Variants in IL6R observed in about 807,000 individuals in gnomAD.
IL6R encodes the protein interleukin 6 receptor.
IL6R carries 38 observed loss-of-function variants against 48.3 expected under a neutral mutation model. The ratio of observed to expected loss-of-function variants is 0.79; its 90% CI spans 0.61 to 1.03. IL6R has a LOEUF of 1.03. Among genes scored for constraint, IL6R ranks in the 50% least tolerant of loss-of-function variants. IL6R has a pLI of 0.00. For synonymous variants in IL6R, 264 were observed against 256.2 expected (o/e 1.03, Z -0.29); for missense variants, 534 against 618.3 (o/e 0.86, Z 1.45).
Position 154,468,951 on chromosome 1 carries a change from C to T in IL6R, c.*3571C>T, listed in dbSNP as rs1043699266. ...GCAAGAGCCCTGCACCCAGCTGTCC[C>T]GTGCAGCCGTGGGCAGGGGCTGCAC... On this transcript the variant is annotated 3_prime_UTR_variant, in exon 10 of 10. Coordinates refer to ENST00000368485, the MANE Select transcript of IL6R (RefSeq NM_000565.4). 3.3e-5 allele frequency: 5 copies of T among 152,208 alleles called. No individual in the cohort carries two copies. Among genetic ancestry groups the T allele is most frequent in the Admixed American group, 6.5e-5 (1 of 15,280 alleles). 9.4% of individuals were successfully genotyped at this position (152,208 alleles called of 1,614,324 possible). A position where few individuals can be genotyped will look rare whatever the true frequency, so the allele number is the denominator to read the frequency against.
Position 154,465,121 on chromosome 1 carries a change from T to C in IL6R, c.1161-13T>C, listed in dbSNP as rs1691484366. ...AAAATCTGTGTGGTTTGTCTTTGTG[T>C]GTTTGTGTGAAGGTTCAAGAAGACG... On this transcript the variant is annotated splice_polypyrimidine_tract_variant and intron_variant, in intron 9 of 9. Transcript: ENST00000368485. 1 of 1,614,096 alleles carries C rather than the reference T, an allele frequency of 6.2e-7. No individual in the cohort carries two copies. Among genetic ancestry groups the C allele is most frequent in the Non-Finnish European group, 8.5e-7 (1 of 1,179,988 alleles).
At chr1:154,455,569 C>T (rs1451349913) in intron 9 of IL6R, among the ~76,000 whole-genome samples, 1 of 150,278 alleles carries the variant, frequency 6.7e-6, no homozygotes, top group African/African-American at 2.4e-5. Flanking sequence ...TCTCCTGCCT[C>T]AGCCTCCTGA....
rs772479080 is a variant in IL6R at position 154,454,500 on chromosome 1, C to T, written c.1079C>T (p.Ser360Phe). Residue 360 changes from serine to phenylalanine, a missense_variant, in exon 9 of 10, where the codon TCT (serine) becomes TTT (phenylalanine). Coordinates refer to ENST00000368485, the MANE Select transcript of IL6R (RefSeq NM_000565.4). ...TTTTTTAACCTAGTGCAAGATTCTT[C>T]TTCAGTACCACTGCCCACATTCCTG... ...NATSLPVQDS[S>F]SVPLPTFLVA... 6.2e-7 allele frequency: 1 copy of T among 1,611,224 alleles called. No individual in the cohort carries two copies. The highest frequency in any genetic ancestry group is 1.7e-5 in the Admixed American group (1 of 59,950).
chr1:154,435,990 T>C lies in IL6R; in HGVS notation c.829T>C (p.Cys277Arg), dbSNP rs765927066. The C allele has an allele frequency of 6.2e-7, 1 of 1,609,832 alleles. No individual in the cohort carries two copies. The highest frequency in any genetic ancestry group is 8.5e-7 in the Non-Finnish European group (1 of 1,176,968). ...TWMVKDLQHH[C>R]VIHDAWSGLR... is the part of the protein sequence containing the mutation. Reference sequence around the variant, plus strand: ...TCAGGTCAAGGACCTCCAGCATCACTGTGTCATCCACGACGCCTGGAGCGG... The same window carrying C: ...TCAGGTCAAGGACCTCCAGCATCACCGTGTCATCCACGACGCCTGGAGCGG... The change falls in exon 6 of 10, where the codon TGT (cysteine) becomes CGT (arginine). Residue 277 changes from cysteine to arginine, a missense_variant. Coordinates refer to ENST00000368485, the MANE Select transcript of IL6R (RefSeq NM_000565.4).
intron 8 of IL6R, chr1:154,454,099 G>A: frequency 4.3e-6 from 1 of 234,038 alleles, no homozygotes; most frequent in South Asian, 6.4e-5. Context: ...GGTCCCCAAA[G>A]CCTTCCGTTT....
chr1:154,414,564 A>G, intron 1 of IL6R: 1 of 747,228 alleles, frequency 1.3e-6, no homozygotes. Flanking sequence ...TGGCCTCGGT[A>G]AAAGGGATTT....
chr1:154,430,374 C>T (rs576416827), intron 2 of IL6R, 109 bp from the exon 3 acceptor site: 24 of 1,411,264 alleles, frequency 1.7e-5, no homozygotes, highest in South Asian at 2.7e-5. Context: ...GGGCTGGGGC[C>T]GAGGGGCCCA....
Position 154,466,026 on chromosome 1 carries a change from A to G in IL6R, c.*646A>G, listed in dbSNP as rs143508443. On this transcript the variant is annotated 3_prime_UTR_variant, in exon 10 of 10. Coordinates refer to ENST00000368485, the MANE Select transcript of IL6R (RefSeq NM_000565.4). ...CTCAGGGCCTGGTCGTTTTCAACAG[A>G]ATTATAATTAGTTCCTCATTAGCAT... The G allele has an allele frequency of 6.5e-6, 1 of 153,052 alleles. No individual in the cohort carries two copies. Among genetic ancestry groups the G allele is most frequent in the African/African-American group, 2.4e-5 (1 of 41,536 alleles). 9.5% of individuals were successfully genotyped at this position (153,052 alleles called of 1,614,324 possible). A position where few individuals can be genotyped will look rare whatever the true frequency, so the allele number is the denominator to read the frequency against.
At chr1:154,414,547 G>GATCT (rs1688220970) in intron 1 of IL6R, 1 of 756,706 alleles carries the variant, frequency 1.3e-6, no homozygotes, top group Non-Finnish European at 2.3e-6. Context: ...TGAAGAAGAG[G>GATCT]ATCTGGTGGC....
At position 154,436,031 on chromosome 1, in the gene IL6R, G is replaced by A; in HGVS notation, c.870G>A (p.Val290=). ...HDAWSGLRHV[V]QLRAQEEFGQ... ...CCTGGAGCGGCCTGAGGCACGTGGTGCAGCTTCGTGCCCAGGAGGAGTTCG... is the reference window on the plus strand; with the variant it reads ...CCTGGAGCGGCCTGAGGCACGTGGTACAGCTTCGTGCCCAGGAGGAGTTCG... The change falls in exon 6 of 10, where the codon GTG becomes GTA. Residue 290 remains valine, a synonymous_variant. Transcript: ENST00000368485. 1 of 1,613,110 alleles carries A rather than the reference G, an allele frequency of 6.2e-7. No individual in the cohort carries two copies. Among genetic ancestry groups the A allele is most frequent in the South Asian group, 1.1e-5 (1 of 90,800 alleles).
Position 154,436,199 on chromosome 1 carries a change from T to C in IL6R, c.949+89T>C, listed in dbSNP as rs367617897. On this transcript the variant is annotated intron_variant, in intron 6 of 9. Transcript: ENST00000368485. Reference sequence around the variant, plus strand: ...GCTATGTGACAAGTTGCCTCAAAACTAGTGGCTTAGGCCAGGTGTGGTGGC... The same window carrying C: ...GCTATGTGACAAGTTGCCTCAAAACCAGTGGCTTAGGCCAGGTGTGGTGGC... 387 of 1,424,920 alleles carry C rather than the reference T, an allele frequency of 2.7e-4. 5 individuals carry two copies. In the East Asian group the frequency reaches 7.2e-3, roughly 26 times the overall value. The allele number at this position is 1,424,920 out of a possible 1,614,324, so 88.3% of individuals were successfully genotyped here.
At position 154,432,728 on chromosome 1, in the gene IL6R, C is replaced by T. The variant is rs576288581; in HGVS notation, c.459-1791C>T. Among the ~76,000 whole-genome samples, 28 of 152,320 alleles carry T rather than the reference C, an allele frequency of 1.8e-4. No homozygotes were observed. The South Asian group carries it at 3.5e-3, about 19-fold the overall frequency. On this transcript the variant is annotated intron_variant, in intron 3 of 9. Coordinates refer to ENST00000368485, the MANE Select transcript of IL6R (RefSeq NM_000565.4). ...CAGTGCTTGTCCTCCCGAGCAGCCT[C>T]GTGCCTTTGCTTCCATCTGCTTTGA...
At chr1:154,458,774 A>T (rs1249654782) in intron 9 of IL6R, among the ~76,000 whole-genome samples, 1 of 150,198 alleles carries the variant, frequency 6.7e-6, no homozygotes, top group African/African-American at 2.5e-5. Flanking sequence ...GGTGGTGCAC[A>T]CCTGTAATCC....
intron 6 of IL6R, among the ~76,000 whole-genome samples, chr1:154,436,470 C>T (rs1381720875): frequency 6.6e-6 from 1 of 152,214 alleles, no homozygotes; most frequent in South Asian, 2.1e-4. Context: ...AAGAACGAAA[C>T]TCCGTCTCAA....
At chr1:154,453,840 A>AC (rs1690725897) in intron 8 of IL6R, among the ~76,000 whole-genome samples, 1 of 152,186 alleles carries the variant, frequency 6.6e-6, no homozygotes. Flanking sequence ...TAGGGACTAG[A>AC]CCACAAAAGG....
rs1432214451 is a variant in IL6R, at chr1:154,465,232, C to T, written c.1259C>T (p.Pro420Leu). ...LGQLVPERPR[P>L]TPVLVPLISP... The stretch of plus-strand genomic sequence containing the variant: ...CAGCTGGTCCCGGAGAGGCCTCGAC[C>T]CACCCCAGTGCTTGTTCCTCTCATC... Residue 420 changes from proline to leucine, a missense_variant, in exon 10 of 10, where the codon CCC becomes CTC. Physicochemically the swap from Pro to Leu is moderately conservative, Grantham distance 98. Transcript: ENST00000368485. 6.2e-7 allele frequency: 1 copy of T among 1,614,164 alleles called. No individual in the cohort carries two copies. The highest frequency in any genetic ancestry group is 1.7e-5 in the Admixed American group (1 of 60,022).
intron 1 of IL6R, among the ~76,000 whole-genome samples, chr1:154,412,072 C>A (rs561999350): frequency 7.0e-6 from 1 of 143,008 alleles, no homozygotes; most frequent in Admixed American, 7.0e-5. Context: ...CTCAGCCTCC[C>A]GAGTAGCTGG....
chr1:154,439,387 T>C (rs1303182010), intron 6 of IL6R, among the ~76,000 whole-genome samples: 1 of 152,208 alleles, frequency 6.6e-6, no homozygotes, highest in Non-Finnish European at 1.5e-5. Flanking sequence ...TGATCTCAGC[T>C]CAATGCAACC....
chr1:154,414,730 G>A (rs1214689573), intron 1 of IL6R: 1 of 809,990 alleles, frequency 1.2e-6, no homozygotes, highest in Non-Finnish European at 2.2e-6. Flanking sequence ...CAGGGACACA[G>A]GGTTTTTGGT....
Sources: gnomAD v4.1 joint callset for allele counts (sites outside exome capture counted in the v4.1 genomes callset) on GRCh38, gnomAD v4.1.1 for gene constraint, MANE v1.5 for transcripts, NCBI Gene and HGNC (gene_info 2026-07-23, HGNC 2026-07-21) for gene names.